Variants in CADPS observed in about 807,000 individuals in gnomAD.
CADPS encodes calcium-dependent secretion activator 1.
CADPS carries 57 observed loss-of-function variants against 167.3 expected under a neutral mutation model. The observed-to-expected ratio is 0.34, with a 90% CI of 0.28 to 0.42. The LOEUF is 0.42. Ranked by LOEUF, CADPS falls within the 20% of genes least tolerant of loss-of-function variation. CADPS has a pLI of 1.00. For missense variants in CADPS, 1,414 were observed against 1,738.1 expected (o/e 0.81, Z 3.32); for synonymous variants, 676 against 635.3 (o/e 1.06, Z -0.96).
chr3:62,509,415 T>C (rs1204392684), intron 17 of CADPS, among the ~76,000 whole-genome samples: 3 of 151,974 alleles, frequency 2.0e-5, no homozygotes, highest in African/African-American at 4.8e-5. Context: ...GGGGATGAGA[T>C]TCACTATTAT....
At chr3:62,568,329 G>A (rs1299865697) in intron 9 of CADPS, among the ~76,000 whole-genome samples, 1 of 152,232 alleles carries the variant, frequency 6.6e-6, no homozygotes, top group African/African-American at 2.4e-5. Flanking sequence ...CCTAGGAGAG[G>A]AAGACCCACA....
At chr3:62,640,277 G>A (rs1321113449) in intron 6 of CADPS, among the ~76,000 whole-genome samples, 2 of 152,130 alleles carry the variant, frequency 1.3e-5, no homozygotes, top group African/African-American at 4.8e-5. Context: ...ATTGAAAAAG[G>A]AAGCACCATT....
chr3:62,577,893 A>G (rs1210724924), intron 8 of CADPS, among the ~76,000 whole-genome samples: 1 of 152,222 alleles, frequency 6.6e-6, no homozygotes, highest in Non-Finnish European at 1.5e-5. Context: ...TAGAATCACA[A>G]AGATATTCAG....
intron 1 of CADPS, among the ~76,000 whole-genome samples, chr3:62,780,030 C>A (rs942453990): frequency 1.3e-5 from 2 of 152,098 alleles, no homozygotes; most frequent in African/African-American, 4.8e-5. Flanking sequence ...TACCACAGCC[C>A]CTTGTACATA....
intron 1 of CADPS, among the ~76,000 whole-genome samples, chr3:62,782,048 T>C (rs2091730275): frequency 6.6e-6 from 1 of 152,188 alleles, no homozygotes; most frequent in Non-Finnish European, 1.5e-5. Context: ...TCTGCTCTCC[T>C]GAGAGATCTG....
chr3:62,816,556 A>G (rs915396050), intron 1 of CADPS, among the ~76,000 whole-genome samples: 13 of 152,048 alleles, frequency 8.5e-5, no homozygotes, highest in African/African-American at 3.1e-4. Context: ...AAAGGAAGAA[A>G]ATTTCCCCTT....
intron 26 of CADPS, among the ~76,000 whole-genome samples, chr3:62,462,844 G>T (rs2059528523): frequency 6.6e-6 from 1 of 152,158 alleles, no homozygotes; most frequent in Admixed American, 6.5e-5. Context: ...TGGAATTTGG[G>T]CAGGAACTCA....
At chr3:62,630,758 TA>T (rs1486196675) in intron 6 of CADPS, among the ~76,000 whole-genome samples, 4 of 152,252 alleles carry the variant, frequency 2.6e-5, no homozygotes, top group Admixed American at 6.5e-5. Context: ...ACTTTGGGCA[TA>T]AAAAAATCAG....
chr3:62,756,039 T>G (rs1448594140), intron 2 of CADPS, among the ~76,000 whole-genome samples: 1 of 150,938 alleles, frequency 6.6e-6, no homozygotes, highest in Non-Finnish European at 1.5e-5. Flanking sequence ...TCTGATTCTC[T>G]AATTTCTTTT....
At chr3:62,732,026 C>T (rs369245558) in intron 3 of CADPS, among the ~76,000 whole-genome samples, 8 of 152,050 alleles carry the variant, frequency 5.3e-5, no homozygotes, top group South Asian at 2.1e-4. Flanking sequence ...AAAGAGCAAA[C>T]GGCAGACCTA....
At chr3:62,613,145 C>T (rs534669038) in intron 6 of CADPS, among the ~76,000 whole-genome samples, 1 of 152,184 alleles carries the variant, frequency 6.6e-6, no homozygotes, top group Non-Finnish European at 1.5e-5. Flanking sequence ...GCTCCTCCTT[C>T]TCTGTTCCCT....
At chr3:62,517,996 A>G (rs2069421360) in intron 14 of CADPS, among the ~76,000 whole-genome samples, 153 bp downstream of exon 14, 1 of 152,234 alleles carries the variant, frequency 6.6e-6, no homozygotes, top group South Asian at 2.1e-4. Flanking sequence ...GTTATTGCGG[A>G]ACCATATCTG....
chr3:62,651,040 T>G lies in CADPS; in HGVS notation c.1010A>C (p.Asn337Thr). The G allele has an allele frequency of 1.2e-6, 2 of 1,613,972 alleles. No individual in the cohort carries two copies. Among genetic ancestry groups the G allele is most frequent in the Non-Finnish European group, 1.7e-6 (2 of 1,179,910 alleles). ...FPKFVSKEME[N>T]MYIEELKSSV... ...TGACTTCAGCTCCTCAATGTACATG[T>G]TTTCCATTTCTTTGGATACAAACTT... The change falls in exon 5 of 30, where the codon AAC becomes ACC. Residue 337 changes from asparagine to threonine, a missense_variant. Asn to Thr is a moderately conservative substitution (Grantham distance 65, BLOSUM62 0). Transcript: ENST00000383710.
intron 28 of CADPS, among the ~76,000 whole-genome samples, chr3:62,409,842 CAG>C (rs1357372241): frequency 6.6e-6 from 1 of 152,084 alleles, no homozygotes; most frequent in African/African-American, 2.4e-5. Context: ...CTTTTCATGT[CAG>C]GGGAAAAAAC....
chr3:62,473,551 A>G (rs1309441435), intron 24 of CADPS, among the ~76,000 whole-genome samples: 1 of 152,238 alleles, frequency 6.6e-6, no homozygotes, highest in Non-Finnish European at 1.5e-5. Context: ...TCTTTAATCA[A>G]GCCCAAGTTG....
intron 28 of CADPS, among the ~76,000 whole-genome samples, chr3:62,408,191 T>C (rs1207522069): frequency 1.3e-5 from 2 of 152,196 alleles, no homozygotes; most frequent in Non-Finnish European, 2.9e-5. Flanking sequence ...ACATAAAATA[T>C]TTATTCTCTA....
In CADPS at chr3:62,870,074, C is replaced by A. The variant is rs1185536756; in HGVS notation, c.441+4515G>T. 2.0e-5 allele frequency among the ~76,000 whole-genome samples: 3 copies of A among 152,252 alleles called. No individual in the cohort carries two copies. The East Asian group carries it at 5.8e-4, about 29-fold the overall frequency. ...GGCAAGAACCTTTCATGGTATTCCGCATCTTCAGAAAGTCTCTGCTATCAG... is the reference window on the plus strand; with the variant it reads ...GGCAAGAACCTTTCATGGTATTCCGAATCTTCAGAAAGTCTCTGCTATCAG... On this transcript the variant is annotated intron_variant, in intron 1 of 29. Transcript: ENST00000383710.
intron 3 of CADPS, among the ~76,000 whole-genome samples, chr3:62,705,492 G>T (rs1001768997): frequency 2.0e-5 from 3 of 152,124 alleles, no homozygotes; most frequent in Non-Finnish European, 4.4e-5. Context: ...TGTTGCCAAA[G>T]GAGATTAACA....
intron 6 of CADPS, among the ~76,000 whole-genome samples, chr3:62,607,017 G>T (rs2060786685): frequency 6.6e-6 from 1 of 152,180 alleles, no homozygotes; most frequent in South Asian, 2.1e-4. Flanking sequence ...TGAGTTTCGG[G>T]GTGGTTTGTT....
Sources: allele counts gnomAD v4.1 joint callset (sites outside exome capture counted in the v4.1 genomes callset), GRCh38; gene constraint gnomAD v4.1.1; transcripts MANE v1.5; gene names NCBI Gene and HGNC (gene_info 2026-07-23, HGNC 2026-07-21).